Variants in TRAPPC10 observed in about 807,000 individuals in gnomAD.
The protein encoded by TRAPPC10 is trafficking protein particle complex subunit 10.
In TRAPPC10, 23 loss-of-function variants were observed where a neutral mutation model predicts 125.5. The observed-to-expected ratio is 0.18, with a 90% CI of 0.13 to 0.26. The LOEUF (loss-of-function observed/expected upper bound fraction) is 0.26. Ranked by LOEUF, TRAPPC10 falls within the 10% of genes least tolerant of loss-of-function variation. The pLI is 1.00. For synonymous variants in TRAPPC10, 509 were observed against 518.0 expected (o/e 0.98, Z 0.24); for missense variants, 1,123 against 1,308.4 (o/e 0.86, Z 2.19).
rs2033624797 is a variant in TRAPPC10 at position 44,032,127 on chromosome 21, C to T, written c.104C>T (p.Pro35Leu). Residue 35 changes from proline to leucine, a missense_variant, in exon 2 of 23, where the codon CCA (proline) becomes CTA (leucine). Pro to Leu is a moderately conservative substitution (Grantham distance 98). Transcript: ENST00000291574. ...CAGAATTTATTTACCTCTGTTTATC[C>T]AACGCTCTCTCAGCAGCTTCCAAGA... Reference protein sequence around the residue: ...GDQNLFTSVYPTLSQQLPREP... With the variant: ...GDQNLFTSVYLTLSQQLPREP... 6.2e-7 allele frequency: 1 copy of T among 1,613,846 alleles called. No homozygotes were observed. The highest frequency in any genetic ancestry group is 8.5e-7 in the Non-Finnish European group (1 of 1,179,918).
chr21:44,042,748 G>C (rs1000056650), intron 3 of TRAPPC10, among the ~76,000 whole-genome samples: 1 of 152,122 alleles, frequency 6.6e-6, no homozygotes, highest in Non-Finnish European at 1.5e-5. Flanking sequence ...GTGTGTTTCT[G>C]TTTCTCTTGC....
chr21:44,054,208 C>T (rs987664866), intron 4 of TRAPPC10, among the ~76,000 whole-genome samples: 3 of 152,172 alleles, frequency 2.0e-5, no homozygotes, highest in South Asian at 2.1e-4. Context: ...TTGGAGTGAG[C>T]GGCTCTGGTC....
In TRAPPC10 at chr21:44,087,854, G is replaced by C; in HGVS notation, c.2695G>C (p.Gly899Arg). 6.2e-7 allele frequency: 1 copy of C among 1,614,212 alleles called. No individual in the cohort carries two copies. Among genetic ancestry groups the C allele is most frequent in the Non-Finnish European group, 8.5e-7 (1 of 1,180,032 alleles). The change falls in exon 17 of 23, where the codon GGG becomes CGG. Residue 899 changes from glycine to arginine, a missense_variant. Physicochemically the swap from Gly to Arg is moderately radical, Grantham distance 125. Around this residue, in one of 4 missense-constraint regions of TRAPPC10, gnomAD observed 840 missense variants for 902.0 expected, o/e 0.93. Transcript: ENST00000291574. This position sits in a 1 kb window ranked among gnomAD's most constrained non-coding sequence, Gnocchi z 4.6. ...PALGGESDML[G>R]MAEPHRKHKD... is the part of the protein sequence containing the mutation. Reference sequence around the variant, plus strand: ...ACTCGGAGGGGAGAGTGACATGCTGGGGATGGCAGAGCCCCACAGGAAGCA... The same window carrying C: ...ACTCGGAGGGGAGAGTGACATGCTGCGGATGGCAGAGCCCCACAGGAAGCA...
rs758879039 is a variant in TRAPPC10 at position 44,074,503 on chromosome 21, T to C, written c.1185+33T>C. ...CCTGCCCAAGTGTGGAATGCTCACG[T>C]TGTCTCTGCGGCCATGCCTGGGTGG... On this transcript the variant is annotated intron_variant, in intron 8 of 22. Coordinates refer to ENST00000291574, the MANE Select transcript of TRAPPC10 (RefSeq NM_003274.5). 3.7e-6 allele frequency: 6 copies of C among 1,613,304 alleles called. No individual in the cohort carries two copies. The East Asian group carries it at 1.1e-4, about 30-fold the overall frequency.
chr21:44,034,491 C>T (rs186118075), intron 2 of TRAPPC10, among the ~76,000 whole-genome samples: 13 of 152,258 alleles, frequency 8.5e-5, no homozygotes, highest in African/African-American at 2.6e-4. Context: ...AGCTCCGCTC[C>T]GGGAACTCTG....
chr21:44,064,338 T>TGA (rs1370380711), intron 7 of TRAPPC10, among the ~76,000 whole-genome samples: 2 of 148,814 alleles, frequency 1.3e-5, no homozygotes, highest in African/African-American at 5.0e-5. Context: ...TGTGTGTGTG[T>TGA]GAGTGTGAGA....
chr21:44,059,086 G>T lies in TRAPPC10; in HGVS notation c.679-17G>T. 30 of 1,563,164 alleles carry T rather than the reference G, an allele frequency of 1.9e-5. No individual in the cohort carries two copies. Among genetic ancestry groups the T allele is most frequent in the Non-Finnish European group, 2.5e-5 (29 of 1,156,566 alleles). On this transcript the variant is annotated splice_polypyrimidine_tract_variant and intron_variant, in intron 5 of 22. Coordinates refer to ENST00000291574, the MANE Select transcript of TRAPPC10 (RefSeq NM_003274.5). The surrounding 1 kb of genome is among the most constrained non-coding windows in gnomAD (Gnocchi z 4.4). ...TTATGTTTTTGTTTTTTTAAAAAAC[G>T]TATCTTGGGCGAATAGGAGGAGCTT... is the stretch of plus-strand genomic sequence containing the variant.
intron 1 of TRAPPC10, among the ~76,000 whole-genome samples, chr21:44,025,058 G>A (rs2032917504): frequency 6.6e-6 from 1 of 152,220 alleles, no homozygotes; most frequent in African/African-American, 2.4e-5. Flanking sequence ...TCCCCTCCTG[G>A]TGGAATTTGA....
intron 3 of TRAPPC10, among the ~76,000 whole-genome samples, chr21:44,045,661 C>T (rs1298152473): frequency 6.6e-6 from 1 of 152,024 alleles, no homozygotes; most frequent in Non-Finnish European, 1.5e-5. Flanking sequence ...AAGCGATTCT[C>T]CTGCCTCAGC....
chr21:44,059,321 G>T lies in TRAPPC10; in HGVS notation c.790+107G>T. The T allele has an allele frequency of 1.3e-6, 1 of 762,446 alleles. No individual in the cohort carries two copies. The highest frequency in any genetic ancestry group is 1.8e-5 in the African/African-American group (1 of 56,954). The allele number at this position is 762,446 out of a possible 1,614,324, so 47.2% of individuals were successfully genotyped here. A position where few individuals can be genotyped will look rare whatever the true frequency, so the allele number is the denominator to read the frequency against. On this transcript the variant is annotated intron_variant, in intron 6 of 22. Transcript: ENST00000291574. This position sits in a 1 kb window ranked among gnomAD's most constrained non-coding sequence, Gnocchi z 4.4. ...TTTACCTCAGGAGTACGCATGTTTT[G>T]TTGTTGTCTTTATACACATTATATC...
chr21:44,049,471 C>T (rs2035084653), intron 3 of TRAPPC10, among the ~76,000 whole-genome samples: 1 of 152,194 alleles, frequency 6.6e-6, no homozygotes, highest in South Asian at 2.1e-4. Flanking sequence ...GCACAGACTT[C>T]CTCCTCACCT....
At chr21:44,077,179 GTTTCT>G (rs1462990366) in intron 10 of TRAPPC10, among the ~76,000 whole-genome samples, 3 of 152,024 alleles carry the variant, frequency 2.0e-5, no homozygotes, top group Non-Finnish European at 4.4e-5. Flanking sequence ...GAGTTTGTGG[GTTTCT>G]TTTATTATTA....
rs756024228 is a variant in TRAPPC10 at position 44,083,280 on chromosome 21, A to G, written c.2216A>G (p.Asn739Ser). Reference protein sequence around the residue: ...CSHVTLEPGANQITFRTQAKE... With the variant: ...CSHVTLEPGASQITFRTQAKE... ...CACGTGACCCTGGAACCAGGGGCCA[A>G]CCAGATAACATTCAGGACTCAGGTA... The change falls in exon 14 of 23, where the codon AAC becomes AGC. Residue 739 changes from asparagine to serine, a missense_variant. Asn to Ser is a conservative substitution (Grantham distance 46). Transcript: ENST00000291574. 1.2e-6 allele frequency: 2 copies of G among 1,613,978 alleles called. No individual in the cohort carries two copies. The highest frequency in any genetic ancestry group is 1.1e-5 in the South Asian group (1 of 91,080).
chr21:44,038,408 T>C (rs2034154554), intron 3 of TRAPPC10, among the ~76,000 whole-genome samples: 1 of 151,764 alleles, frequency 6.6e-6, no homozygotes, highest in Non-Finnish European at 1.5e-5. Flanking sequence ...CCATTGTCCT[T>C]GGTCATCTGT....
intron 1 of TRAPPC10, among the ~76,000 whole-genome samples, chr21:44,031,710 C>T (rs191951368): frequency 3.3e-4 from 50 of 152,336 alleles, no homozygotes; most frequent in African/African-American, 1.2e-3. Context: ...GTTTTGGTTT[C>T]TTTTTCTCCA....
rs1384887810 is a variant in TRAPPC10, at chr21:44,064,000, C to T, written c.1038+215C>T. On this transcript the variant is annotated intron_variant, in intron 7 of 22. Transcript: ENST00000291574. The surrounding 1 kb of genome is among the most constrained non-coding windows in gnomAD (Gnocchi z 4.4). ...GTTCTCAACATGCTGGAGTTTGTGC[C>T]GGTCCAGAGCAAGCCTCTTAGATGA... Among the ~76,000 whole-genome samples, 3 of 152,120 alleles carry T rather than the reference C, an allele frequency of 2.0e-5. No individual in the cohort carries two copies. The highest frequency in any genetic ancestry group is 6.5e-5 in the Admixed American group (1 of 15,274).
At chr21:44,092,855 C>T (rs948246091) in intron 19 of TRAPPC10, among the ~76,000 whole-genome samples, 3 of 152,032 alleles carry the variant, frequency 2.0e-5, no homozygotes, top group Non-Finnish European at 4.4e-5. Context: ...GGAATGCAAT[C>T]GTGTGATCTT....
intron 6 of TRAPPC10, chr21:44,062,799 A>C: frequency 1.0e-6 from 1 of 985,464 alleles, no homozygotes; most frequent in Non-Finnish European, 1.2e-6. Context: ...GGAGCGTTTA[A>C]CCATGCCAGG....
rs558474471 is a variant in TRAPPC10, at chr21:44,026,313, C to T, written c.68-5778C>T. Among the ~76,000 whole-genome samples the T allele has an allele frequency of 1.4e-3, 212 of 152,244 alleles. 7 individuals carry two copies. The South Asian group carries it at 0.041, about 30-fold the overall frequency. ...TTATGCATTTGATGTTAGTTTTCAC[C>T]ATGAAAGAGCTCCCAATCTGAAGCA... On this transcript the variant is annotated intron_variant, in intron 1 of 22. Coordinates refer to ENST00000291574, the MANE Select transcript of TRAPPC10 (RefSeq NM_003274.5).
Sources: gnomAD v4.1 joint callset for allele counts (sites outside exome capture counted in the v4.1 genomes callset) on GRCh38, gnomAD v4.1.1 for gene constraint, gnomAD v4.1.1 regional missense constraint, Gnocchi (gnomAD v3.1) non-coding constraint, MANE v1.5 for transcripts, NCBI Gene and HGNC (gene_info 2026-07-23, HGNC 2026-07-21) for gene names.